Variants in DLG1 observed in about 807,000 individuals in gnomAD.
The protein encoded by DLG1 is disks large homolog 1.
In DLG1, 42 loss-of-function variants were observed where a neutral mutation model predicts 123.4. That is an observed-to-expected ratio of 0.34 (90% CI 0.27 to 0.44). The LOEUF is 0.44. Ranked by LOEUF, DLG1 falls within the 20% of genes least tolerant of loss-of-function variation. The pLI is 1.00. For missense variants in DLG1, 942 were observed against 1,082.6 expected, an observed-to-expected ratio of 0.87 and a Z score of 1.82; for synonymous variants, 317 against 356.2, an observed-to-expected ratio of 0.89 and a Z score of 1.24.
chr3:197,046,354 T>A (rs779636182), intron 24 of DLG1, among the ~76,000 whole-genome samples: 2 of 152,212 alleles, frequency 1.3e-5, no homozygotes, highest in Non-Finnish European at 1.5e-5. Flanking sequence ...GAATGGTTAG[T>A]AAACCAGGGA....
chr3:197,064,777 T>A (rs1400850790), intron 22 of DLG1, among the ~76,000 whole-genome samples: 1 of 152,128 alleles, frequency 6.6e-6, no homozygotes, highest in African/African-American at 2.4e-5. Context: ...TTTTTAAAAA[T>A]TTTAAGTGGT....
chr3:197,273,576 A>T (rs1318259547), intron 4 of DLG1, among the ~76,000 whole-genome samples: 2 of 151,788 alleles, frequency 1.3e-5, no homozygotes, highest in Non-Finnish European at 2.9e-5. Flanking sequence ...CTAAAACTCC[A>T]CTCAAATTAA....
chr3:197,213,290 C>CTT (rs147611666), intron 4 of DLG1, among the ~76,000 whole-genome samples: 7 of 151,918 alleles, frequency 4.6e-5, no homozygotes, highest in Admixed American at 1.3e-4. Flanking sequence ...TTATTAGGAG[C>CTT]TTTTTTTTAA....
chr3:197,152,038 T>C (rs984553781), intron 5 of DLG1, among the ~76,000 whole-genome samples: 11 of 152,210 alleles, frequency 7.2e-5, no homozygotes, highest in African/African-American at 2.7e-4. Context: ...CAATGGTATA[T>C]AAATTTTAGT....
In DLG1 at chr3:197,207,185, CCTT is replaced by C. The variant is rs369812443; in HGVS notation, c.319-12599_319-12597del. Among the ~76,000 whole-genome samples, 451 of 152,304 alleles carry C rather than the reference CCTT, an allele frequency of 3.0e-3. 1 individual carries two copies. The highest frequency in any genetic ancestry group is 0.01 in the African/African-American group (430 of 41,562). ...TCTTTGCTCTTTACGCAAAGTTTGT[CCTT>C]CACGCAAAGTCTGCTCTTTACGCAA... is the stretch of plus-strand genomic sequence containing the variant. On this transcript the variant is annotated intron_variant, in intron 4 of 24. Transcript: ENST00000667157.
At chr3:197,274,585 G>C (rs1255557142) in intron 4 of DLG1, among the ~76,000 whole-genome samples, 1 of 152,128 alleles carries the variant, frequency 6.6e-6, no homozygotes, top group Non-Finnish European at 1.5e-5. Context: ...TTTAGGTAAT[G>C]CTTCAAAAGC....
At chr3:197,246,995 A>G (rs1752040668) in intron 4 of DLG1, among the ~76,000 whole-genome samples, 1 of 152,216 alleles carries the variant, frequency 6.6e-6, no homozygotes, top group African/African-American at 2.4e-5. Context: ...CAGCCCAAGT[A>G]TACAGCTGTG....
At chr3:197,213,069 ATCAAAGAGAAATAAAAATATATG>A (rs1200850532) in intron 4 of DLG1, among the ~76,000 whole-genome samples, 2 of 152,352 alleles carry the variant, frequency 1.3e-5, no homozygotes, top group African/African-American at 4.8e-5. Flanking sequence ...CAAGACAGTT[ATCAAAGAGAAATAAAAATATATG>A]TCCACACAAA....
At chr3:197,269,929 C>T (rs368408929) in intron 4 of DLG1, among the ~76,000 whole-genome samples, 5 of 152,202 alleles carry the variant, frequency 3.3e-5, no homozygotes, top group Admixed American at 2.0e-4. Context: ...ACTATTAATA[C>T]AATATTTTGC....
intron 4 of DLG1, among the ~76,000 whole-genome samples, chr3:197,239,933 T>C (rs984756129): frequency 6.6e-6 from 1 of 151,542 alleles, no homozygotes; most frequent in Non-Finnish European, 1.5e-5. Context: ...CAGCACCTAA[T>C]GGGCAAAAAA....
chr3:197,083,939 C>T (rs563581805), intron 16 of DLG1, among the ~76,000 whole-genome samples: 56 of 152,252 alleles, frequency 3.7e-4, no homozygotes, highest in African/African-American at 1.2e-3. Flanking sequence ...TGTCACTGCA[C>T]TCCAGCGTGG....
chr3:197,085,902 A>C, intron 15 of DLG1, 146 bp from the exon 16 acceptor site: 1 of 606,980 alleles, frequency 1.6e-6, no homozygotes, highest in South Asian at 2.7e-5. Flanking sequence ...ACTGCATACA[A>C]GATAAGACAA....
chr3:197,183,453 C>T, intron 5 of DLG1: 3 of 884,990 alleles, frequency 3.4e-6, no homozygotes, highest in Non-Finnish European at 5.0e-6. Flanking sequence ...AGAAAACATA[C>T]ATTTCTACAC....
chr3:197,207,379 A>C (rs1729108136), intron 4 of DLG1, among the ~76,000 whole-genome samples: 2 of 152,252 alleles, frequency 1.3e-5, no homozygotes, highest in Non-Finnish European at 2.9e-5. Flanking sequence ...AAATGAAAAG[A>C]AGACAGACCA....
At position 197,194,597 on chromosome 3, in the gene DLG1, GAAAAT is replaced by G. The variant is rs1198333728; in HGVS notation, c.319-13_319-9del. Reference sequence around the variant, plus strand: ...ATCCTGATACCTGTATTTCTGTAAAGAAAATAAACATGAAGAAGCCCTGATAAGCA... The same window carrying G: ...ATCCTGATACCTGTATTTCTGTAAAGAAACATGAAGAAGCCCTGATAAGCA... On this transcript the variant is annotated splice_polypyrimidine_tract_variant and intron_variant, in intron 4 of 24. Transcript: ENST00000667157. 1 of 1,570,756 alleles carries G rather than the reference GAAAAT, an allele frequency of 6.4e-7. No individual in the cohort carries two copies. The highest frequency in any genetic ancestry group is 8.6e-7 in the Non-Finnish European group (1 of 1,165,470).
chr3:197,198,517 T>C (rs1223243873), intron 4 of DLG1, among the ~76,000 whole-genome samples: 4 of 140,558 alleles, frequency 2.8e-5, no homozygotes, highest in African/African-American at 7.8e-5. Flanking sequence ...AACCAAACAA[T>C]GAGGAGGAAA....
intron 4 of DLG1, among the ~76,000 whole-genome samples, chr3:197,208,890 T>C (rs74547534): frequency 0.043 from 6,234 of 145,920 alleles, 921 homozygotes; most frequent in South Asian, 0.077. Context: ...GTATTATTCA[T>C]TCACAAAATT....
intron 14 of DLG1, among the ~76,000 whole-genome samples, chr3:197,097,348 G>A (rs1343888988): frequency 1.3e-5 from 2 of 152,038 alleles, no homozygotes; most frequent in African/African-American, 4.8e-5. Context: ...GTTAACATTG[G>A]GCTTCTCCTG....
In DLG1 at chr3:197,183,770, A is replaced by G. The variant is rs1322013820; in HGVS notation, c.483+10655T>C. 4.5e-6 allele frequency: 7 copies of G among 1,550,306 alleles called. No homozygotes were observed. In the African/African-American group the frequency reaches 8.2e-5, roughly 18 times the overall value. ...TAGTATTGCCTCCTCGACTGCCGCGAGAGTATAGAAGTGTGTTGTTTCCGA... is the reference window on the plus strand; with the variant it reads ...TAGTATTGCCTCCTCGACTGCCGCGGGAGTATAGAAGTGTGTTGTTTCCGA... On this transcript the variant is annotated intron_variant, in intron 5 of 24. Coordinates refer to ENST00000667157, the MANE Select transcript of DLG1 (RefSeq NM_001366207.1).
Sources: allele counts gnomAD v4.1 joint callset (sites outside exome capture counted in the v4.1 genomes callset), GRCh38; gene constraint gnomAD v4.1.1; transcripts MANE v1.5; gene names NCBI Gene and HGNC (gene_info 2026-07-23, HGNC 2026-07-21).